Variants in TNNI3K observed in about 807,000 individuals in gnomAD.
TNNI3K encodes serine/threonine-protein kinase TNNI3K.
In TNNI3K, 140 loss-of-function variants were observed where a neutral mutation model predicts 114.5. The ratio of observed to expected loss-of-function variants is 1.22; its 90% CI spans 1.07 to 1.41. TNNI3K has a LOEUF of 1.41. Among genes scored for constraint, TNNI3K ranks in the 40% most tolerant of loss-of-function variants. The probability of loss-of-function intolerance (pLI) is 0.00; values close to 1 mark genes in which losing one functional copy is unlikely to be tolerated. For missense variants in TNNI3K, 1,125 were observed against 1,007.6 expected (o/e 1.12, Z -1.58); for synonymous variants, 347 against 347.5 (o/e 1.00, Z 0.02).
chr1:74,483,388 T>A, intron 21 of TNNI3K: 1 of 716,758 alleles, frequency 1.4e-6, no homozygotes, highest in Non-Finnish European at 2.6e-6. Flanking sequence ...GAAAGGAAAG[T>A]AGAGGGCAAT....
rs374638594 is a variant in TNNI3K at position 74,538,892 on chromosome 1, T to C, written c.2352-1342T>C. The stretch of plus-strand genomic sequence containing the variant: ...CAAAAGATGTGGAGAAGGGTATGGG[T>C]TGAAGTTTGAGAAGTAGGAAGGACC... On this transcript the variant is annotated intron_variant, in intron 23 of 24. Transcript: ENST00000326637. Among the ~76,000 whole-genome samples, 34 of 152,094 alleles carry C rather than the reference T, an allele frequency of 2.2e-4. 1 individual carries two copies. In the South Asian group the frequency reaches 5.0e-3, roughly 22 times the overall value.
At chr1:74,512,787 T>C (rs1670293242) in intron 23 of TNNI3K, among the ~76,000 whole-genome samples, 1 of 152,220 alleles carries the variant, frequency 6.6e-6, no homozygotes, top group Admixed American at 6.5e-5. Context: ...TATACCATTC[T>C]GTCTTCACTG....
intron 11 of TNNI3K, among the ~76,000 whole-genome samples, chr1:74,359,250 G>A (rs577229386): frequency 3.3e-5 from 5 of 151,968 alleles, no homozygotes; most frequent in Non-Finnish European, 2.9e-5. Flanking sequence ...GAATTCTGAC[G>A]AGGTTTAAGG....
At chr1:74,351,903 A>G (rs200942274) in intron 9 of TNNI3K, among the ~76,000 whole-genome samples, 2 of 151,640 alleles carry the variant, frequency 1.3e-5, no homozygotes, top group Non-Finnish European at 2.9e-5. Flanking sequence ...CTTCTTTGTC[A>G]TTGGTTTGAA....
chr1:74,285,605 C>T (rs989420254), intron 5 of TNNI3K, among the ~76,000 whole-genome samples: 2 of 152,114 alleles, frequency 1.3e-5, no homozygotes, highest in Non-Finnish European at 2.9e-5. Flanking sequence ...TTTTATTATA[C>T]TCTTTTTTGA....
chr1:74,392,273 G>C (rs1663828228), intron 17 of TNNI3K, among the ~76,000 whole-genome samples: 1 of 152,180 alleles, frequency 6.6e-6, no homozygotes, highest in East Asian at 1.9e-4. Context: ...GAATAATCTG[G>C]TACAGAGGAA....
chr1:74,329,928 G>A (rs1016297673), intron 5 of TNNI3K, among the ~76,000 whole-genome samples: 1 of 152,022 alleles, frequency 6.6e-6, no homozygotes, highest in African/African-American at 2.4e-5. Context: ...AGTCCCTTGA[G>A]CTCTTAAATT....
In TNNI3K at chr1:74,359,233, C is replaced by G. The variant is rs151277524; in HGVS notation, c.1177+5104C>G. Reference sequence around the variant, plus strand: ...TTCAAAATGAGGATATTAATAACCACTTTACAGAATTCTGACGAGGTTTAA... The same window carrying G: ...TTCAAAATGAGGATATTAATAACCAGTTTACAGAATTCTGACGAGGTTTAA... On this transcript the variant is annotated intron_variant, in intron 11 of 24. Coordinates refer to ENST00000326637, the MANE Select transcript of TNNI3K (RefSeq NM_015978.3). Among the ~76,000 whole-genome samples the G allele has an allele frequency of 2.6e-3, 396 of 152,102 alleles. 1 individual carries two copies. The highest frequency in any genetic ancestry group is 8.9e-3 in the African/African-American group (369 of 41,536).
At chr1:74,321,391 G>C (rs1361613957) in intron 5 of TNNI3K, among the ~76,000 whole-genome samples, 1 of 151,986 alleles carries the variant, frequency 6.6e-6, no homozygotes, top group Non-Finnish European at 1.5e-5. Context: ...TTCCTCCCCA[G>C]TTTTAAACCA....
intron 5 of TNNI3K, among the ~76,000 whole-genome samples, chr1:74,290,206 A>G (rs1440990803): frequency 3.2e-5 from 2 of 63,108 alleles, no homozygotes; most frequent in Non-Finnish European, 6.0e-5. Flanking sequence ...TTGCCATTCT[A>G]TATTTCTTTT....
At chr1:74,531,871 G>A (rs756893021) in intron 23 of TNNI3K, among the ~76,000 whole-genome samples, 7 of 152,110 alleles carry the variant, frequency 4.6e-5, no homozygotes, top group Non-Finnish European at 7.4e-5. Flanking sequence ...TATGACAGAC[G>A]GCAATAAACC....
At chr1:74,412,104 T>C (rs1557550439) in intron 17 of TNNI3K, among the ~76,000 whole-genome samples, 1 of 152,140 alleles carries the variant, frequency 6.6e-6, no homozygotes, top group African/African-American at 2.4e-5. Flanking sequence ...AGAGCCCTGC[T>C]TATTGAGTAA....
intron 12 of TNNI3K, 28 bp from the exon 13 acceptor site, chr1:74,367,880 C>A: frequency 6.4e-7 from 1 of 1,551,208 alleles, no homozygotes; most frequent in South Asian, 1.3e-5. Flanking sequence ...TCGCTACTTT[C>A]AACTCTATTA....
intron 5 of TNNI3K, among the ~76,000 whole-genome samples, chr1:74,311,600 GA>G (rs1658999835): frequency 6.6e-6 from 1 of 152,140 alleles, no homozygotes; most frequent in South Asian, 2.1e-4. Flanking sequence ...CACATTTCAT[GA>G]AGGTATCAAG....
At chr1:74,303,928 C>T (rs1219376377) in intron 5 of TNNI3K, among the ~76,000 whole-genome samples, 1 of 152,108 alleles carries the variant, frequency 6.6e-6, no homozygotes, top group East Asian at 1.9e-4. Context: ...ACTACAGATG[C>T]AGTGGAAAGA....
At chr1:74,501,470 T>TG (rs1557610523) in intron 23 of TNNI3K, among the ~76,000 whole-genome samples, 1 of 143,856 alleles carries the variant, frequency 7.0e-6, no homozygotes. Context: ...GTTTTTTTTG[T>TG]TTTGTGTTTG....
intron 21 of TNNI3K, among the ~76,000 whole-genome samples, chr1:74,486,054 G>A (rs987289375): frequency 7.2e-5 from 11 of 152,052 alleles, no homozygotes; most frequent in African/African-American, 2.2e-4. Context: ...TAAATCACTA[G>A]GTTTATGGTA....
intron 17 of TNNI3K, chr1:74,370,862 A>G (rs1662558236): frequency 6.6e-6 from 1 of 151,972 alleles, no homozygotes; most frequent in Admixed American, 6.6e-5. Context: ...AACAAATATA[A>G]AATCAGAGTG....
intron 17 of TNNI3K, among the ~76,000 whole-genome samples, chr1:74,397,212 A>G (rs567279152): frequency 2.0e-5 from 3 of 151,342 alleles, no homozygotes; most frequent in African/African-American, 7.2e-5. Flanking sequence ...AGAGAGAGAG[A>G]CAGAAGAAGA....
Sources: gnomAD v4.1 joint callset for allele counts (sites outside exome capture counted in the v4.1 genomes callset) on GRCh38, gnomAD v4.1.1 for gene constraint, MANE v1.5 for transcripts, NCBI Gene and HGNC (gene_info 2026-07-23, HGNC 2026-07-21) for gene names.